Variants in ATP10B observed in about 807,000 individuals in gnomAD.
ATP10B encodes the protein ATPase phospholipid transporting 10B (putative).
Under a neutral mutation model 141.2 loss-of-function variants are expected in ATP10B, and 122 were observed. That is an observed-to-expected ratio of 0.86 (90% CI 0.75 to 1.00). ATP10B has a LOEUF of 1.00. Among genes scored for constraint, ATP10B ranks in the 50% least tolerant of loss-of-function variants. ATP10B has a pLI of 0.00. For synonymous variants in ATP10B, 685 were observed against 692.0 expected (o/e 0.99, Z 0.16); for missense variants, 1,876 against 1,825.3 (o/e 1.03, Z -0.51).
At chr5:160,819,459 T>C (rs1278221756) in intron 1 of ATP10B, among the ~76,000 whole-genome samples, 1 of 152,106 alleles carries the variant, frequency 6.6e-6, no homozygotes, top group East Asian at 1.9e-4. Flanking sequence ...AAAATGACAT[T>C]AATGAACAAT....
chr5:160,589,008 C>A (rs1756095606), intron 24 of ATP10B, among the ~76,000 whole-genome samples: 1 of 151,988 alleles, frequency 6.6e-6, no homozygotes, highest in Non-Finnish European at 1.5e-5. Context: ...CACGCCTGAA[C>A]TGTTTTTGTT....
At chr5:160,787,954 G>A (rs17058295) in intron 1 of ATP10B, among the ~76,000 whole-genome samples, 5,190 of 152,242 alleles carry the variant, frequency 0.034, 265 homozygotes, top group East Asian at 0.25. Flanking sequence ...AGACTTGTTG[G>A]AACTGTCTAG....
At chr5:160,715,912 T>C (rs1300221037) in intron 3 of ATP10B, among the ~76,000 whole-genome samples, 1 of 151,998 alleles carries the variant, frequency 6.6e-6, no homozygotes, top group East Asian at 1.9e-4. Context: ...GGTTTCACCA[T>C]CTTGGCCAGG....
chr5:160,872,523 A>C, the ATP10B span, among the ~76,000 whole-genome samples: 1 of 152,210 alleles, frequency 6.6e-6, no homozygotes, highest in African/African-American at 2.4e-5. Flanking sequence ...CTTAGATTTG[A>C]GTCCTTAATA....
chr5:160,654,081 AAATATATGTTG>A (rs1242488368), intron 7 of ATP10B, among the ~76,000 whole-genome samples: 28 of 55,884 alleles, frequency 5.0e-4, no homozygotes, highest in African/African-American at 1.6e-3. Flanking sequence ...ATATACATAT[AAATATATGTTG>A]TATATACGTA....
chr5:160,614,708 C>G (rs549440281), intron 17 of ATP10B, among the ~76,000 whole-genome samples: 7 of 152,218 alleles, frequency 4.6e-5, no homozygotes, highest in Non-Finnish European at 1.0e-4. Flanking sequence ...AGCCATCCCA[C>G]TTGCCAGCAT....
intron 2 of ATP10B, among the ~76,000 whole-genome samples, chr5:160,737,298 T>C (rs924037222): frequency 1.8e-4 from 27 of 152,286 alleles, no homozygotes; most frequent in Non-Finnish European, 1.8e-4. Context: ...ACTGGTGTCA[T>C]ATTGAGTAGG....
chr5:160,769,568 C>G (rs1411811418), intron 2 of ATP10B, among the ~76,000 whole-genome samples: 1 of 150,996 alleles, frequency 6.6e-6, no homozygotes, highest in Middle Eastern at 3.2e-3. Flanking sequence ...TGAAAGTGCT[C>G]TTCCCTAGGT....
chr5:160,592,397 A>C (rs1756370851), intron 22 of ATP10B, among the ~76,000 whole-genome samples: 1 of 152,148 alleles, frequency 6.6e-6, no homozygotes, highest in Non-Finnish European at 1.5e-5. Context: ...GCAGTCCCAT[A>C]TTAATGTGTG....
chr5:160,847,217 T>C (rs1776178480), intron 1 of ATP10B, among the ~76,000 whole-genome samples: 1 of 152,220 alleles, frequency 6.6e-6, no homozygotes, highest in Admixed American at 6.5e-5. Context: ...TCCTGGGGCA[T>C]TTCATCAGAA....
intron 24 of ATP10B, among the ~76,000 whole-genome samples, chr5:160,574,734 C>T (rs904590023): frequency 5.3e-5 from 8 of 151,302 alleles, no homozygotes; most frequent in African/African-American, 7.3e-5. Context: ...CTTTTTTTGC[C>T]CTTTCACCAT....
chr5:160,806,960 T>C (rs1005761188), intron 1 of ATP10B, among the ~76,000 whole-genome samples: 1 of 151,876 alleles, frequency 6.6e-6, no homozygotes, highest in Admixed American at 6.6e-5. Flanking sequence ...AGAGTGCAAA[T>C]GAAATTAGCC....
At chr5:160,644,713 T>C (rs962877829) in intron 8 of ATP10B, among the ~76,000 whole-genome samples, 2 of 152,148 alleles carry the variant, frequency 1.3e-5, no homozygotes, top group African/African-American at 2.4e-5. Flanking sequence ...CCTATATGGT[T>C]TAAAAAGGGG....
intron 6 of ATP10B, among the ~76,000 whole-genome samples, chr5:160,685,605 T>C (rs1268023338): frequency 6.6e-6 from 1 of 152,216 alleles, no homozygotes; most frequent in African/African-American, 2.4e-5. Context: ...TGGGAGACAC[T>C]GCCTGACATC....
At chr5:160,924,160 C>T in the ATP10B span, among the ~76,000 whole-genome samples, 1 of 152,226 alleles carries the variant, frequency 6.6e-6, no homozygotes, top group Admixed American at 6.5e-5. Flanking sequence ...GCCAGCAGAA[C>T]AGGTTTTTCA....
chr5:160,689,736 G>C (rs1763961020), intron 3 of ATP10B, among the ~76,000 whole-genome samples: 1 of 152,140 alleles, frequency 6.6e-6, no homozygotes, highest in African/African-American at 2.4e-5. Flanking sequence ...AACATTCCAT[G>C]ATCATGGATA....
At chr5:160,576,322 G>A (rs540151346) in intron 24 of ATP10B, among the ~76,000 whole-genome samples, 104 of 152,230 alleles carry the variant, frequency 6.8e-4, no homozygotes, top group African/African-American at 2.4e-3. Context: ...GCCCAGAAAA[G>A]GACTTAAAGG....
At chr5:160,895,243 G>A in the ATP10B span, among the ~76,000 whole-genome samples, 112,233 of 151,724 alleles carry the variant, frequency 0.74, 42,952 homozygotes, top group East Asian at 0.98. Context: ...TGCCCCATTA[G>A]AAGACACAGA....
chr5:160,795,125 G>A (rs1392615780), intron 1 of ATP10B, among the ~76,000 whole-genome samples: 1 of 152,112 alleles, frequency 6.6e-6, no homozygotes, highest in Non-Finnish European at 1.5e-5. Flanking sequence ...TTCAGCATTG[G>A]TATGGTACAT....
Sources: gnomAD v4.1 joint callset for allele counts (sites outside exome capture counted in the v4.1 genomes callset) on GRCh38, gnomAD v4.1.1 for gene constraint, MANE v1.5 for transcripts, NCBI Gene and HGNC (gene_info 2026-07-23, HGNC 2026-07-21) for gene names.